Variants in CDH13 observed in about 807,000 individuals in gnomAD.
CDH13 encodes cadherin-13.
A neutral mutation model predicts 63.8 loss-of-function variants in CDH13; 24 were observed. The observed-to-expected ratio is 0.38, with a 90% CI of 0.27 to 0.53. CDH13 has a LOEUF of 0.53. Ranked by LOEUF, CDH13 falls within the 20% of genes least tolerant of loss-of-function variation. The pLI, the probability that CDH13 is intolerant of heterozygous loss-of-function variation, is 0.85. For synonymous variants in CDH13, 503 were observed against 355.3 expected (o/e 1.42, Z -4.67); for missense variants, 1,049 against 903.1 (o/e 1.16, Z -2.07).
chr16:83,190,652 C>G (rs2038669588), intron 4 of CDH13, among the ~76,000 whole-genome samples: 1 of 152,182 alleles, frequency 6.6e-6, no homozygotes, highest in Non-Finnish European at 1.5e-5. Context: ...CCCTTTGATG[C>G]TAACTAAGAC....
intron 1 of CDH13, among the ~76,000 whole-genome samples, chr16:82,660,492 A>G (rs1382884141): frequency 6.6e-6 from 1 of 152,184 alleles, no homozygotes; most frequent in Non-Finnish European, 1.5e-5. Context: ...CAGTCAATCC[A>G]CAAACCATCT....
intron 10 of CDH13, among the ~76,000 whole-genome samples, chr16:83,719,605 C>G (rs1567547609): frequency 6.6e-6 from 1 of 152,196 alleles, no homozygotes; most frequent in Non-Finnish European, 1.5e-5. Context: ...TTCCTGCATA[C>G]CACGTGCAGT....
rs369288331 is a variant in CDH13, at chr16:83,006,932, GTTTT to G, written c.158-25073_158-25070del. 2.4e-4 allele frequency among the ~76,000 whole-genome samples: 29 copies of G among 121,760 alleles called. 1 individual carries two copies. Among genetic ancestry groups the G allele is most frequent in the African/African-American group, 7.1e-4 (22 of 31,092 alleles). 79.9% of individuals were successfully genotyped at this position (121,760 alleles called of 152,430 possible). ...TGTTTGTTTGTTTGTTTGTTTGTTT[GTTTT>G]TTTTGAGACAGAGTTTCACTCTTAT... is the stretch of plus-strand genomic sequence containing the variant. On this transcript the variant is annotated intron_variant, in intron 2 of 13. Coordinates refer to ENST00000567109, the MANE Select transcript of CDH13 (RefSeq NM_001257.5).
At chr16:83,520,265 A>G (rs2074798904) in intron 7 of CDH13, among the ~76,000 whole-genome samples, 1 of 152,216 alleles carries the variant, frequency 6.6e-6, no homozygotes, top group Non-Finnish European at 1.5e-5. Flanking sequence ...AGCCAAGTGT[A>G]CAAAAAAGTA....
intron 6 of CDH13, among the ~76,000 whole-genome samples, chr16:83,378,435 T>A (rs1192969213): frequency 6.6e-6 from 1 of 152,184 alleles, no homozygotes; most frequent in Admixed American, 6.5e-5. Context: ...GGGACATTAT[T>A]ATGTTCTAGT....
chr16:83,688,065 T>C (rs1049267660), intron 10 of CDH13, among the ~76,000 whole-genome samples: 2 of 152,218 alleles, frequency 1.3e-5, no homozygotes, highest in African/African-American at 4.8e-5. Context: ...ATAATGATAT[T>C]TCAGCCCCAA....
At chr16:82,843,723 C>G (rs1255696311) in intron 1 of CDH13, among the ~76,000 whole-genome samples, 1 of 152,198 alleles carries the variant, frequency 6.6e-6, no homozygotes, top group East Asian at 1.9e-4. Context: ...TGTCTAATGT[C>G]TGGCAGAGAA....
At chr16:83,584,180 A>T (rs926684690) in intron 7 of CDH13, among the ~76,000 whole-genome samples, 4 of 152,036 alleles carry the variant, frequency 2.6e-5, no homozygotes, top group Admixed American at 2.6e-4. Context: ...ATACAAAAAA[A>T]ATTAGCCGGG....
At chr16:82,706,246 C>G (rs990657081) in intron 1 of CDH13, among the ~76,000 whole-genome samples, 1 of 152,150 alleles carries the variant, frequency 6.6e-6, no homozygotes, top group South Asian at 2.1e-4. Flanking sequence ...TGGAAATACA[C>G]TGAACAGGGC....
At chr16:83,139,709 T>C (rs1470765246) in intron 4 of CDH13, among the ~76,000 whole-genome samples, 1 of 152,060 alleles carries the variant, frequency 6.6e-6, no homozygotes, top group African/African-American at 2.4e-5. Context: ...AAAATAATAA[T>C]ATAAAAATAT....
intron 5 of CDH13, among the ~76,000 whole-genome samples, chr16:83,251,166 A>G (rs993137217): frequency 6.6e-6 from 1 of 152,100 alleles, no homozygotes; most frequent in Non-Finnish European, 1.5e-5. Context: ...ATAGATTTGT[A>G]AGATATTGCC....
At chr16:83,431,953 C>A (rs2072125764) in intron 6 of CDH13, among the ~76,000 whole-genome samples, 1 of 152,068 alleles carries the variant, frequency 6.6e-6, no homozygotes, top group Non-Finnish European at 1.5e-5. Flanking sequence ...AGATTTTGAG[C>A]AGAGGAAAGA....
chr16:82,958,259 G>A (rs1449852383), intron 2 of CDH13, among the ~76,000 whole-genome samples: 1 of 152,210 alleles, frequency 6.6e-6, no homozygotes, highest in East Asian at 1.9e-4. Flanking sequence ...GAATAGCTGA[G>A]ACGCTTCACC....
chr16:83,782,815 C>T (rs1305043014), intron 12 of CDH13, among the ~76,000 whole-genome samples: 3 of 151,928 alleles, frequency 2.0e-5, no homozygotes, highest in African/African-American at 7.3e-5. Context: ...AGGGTCCTGC[C>T]CACATTGAGA....
At chr16:82,967,399 G>T (rs897360630) in intron 2 of CDH13, among the ~76,000 whole-genome samples, 2 of 152,140 alleles carry the variant, frequency 1.3e-5, no homozygotes, top group African/African-American at 4.8e-5. Flanking sequence ...TAGGGTGTAT[G>T]CTCCCTGGGG....
chr16:82,914,903 G>C (rs2041939167), intron 2 of CDH13, among the ~76,000 whole-genome samples: 1 of 152,200 alleles, frequency 6.6e-6, no homozygotes, highest in Non-Finnish European at 1.5e-5. Flanking sequence ...GTGTCACCAT[G>C]AGTATCAGGA....
intron 7 of CDH13, among the ~76,000 whole-genome samples, chr16:83,599,519 T>G (rs1907582230): frequency 1.3e-5 from 2 of 152,194 alleles, no homozygotes; most frequent in Admixed American, 1.3e-4. Flanking sequence ...CCAAAAAAAT[T>G]TTTAAAAAGC....
chr16:83,023,476 A>G (rs1915531449), intron 2 of CDH13, among the ~76,000 whole-genome samples: 2 of 152,208 alleles, frequency 1.3e-5, no homozygotes, highest in Non-Finnish European at 2.9e-5. Context: ...TCATAGGTTC[A>G]GAAGAGTACA....
At position 83,796,584 on chromosome 16, in the gene CDH13, T is replaced by C. The variant is rs1054595274; in HGVS notation, c.*1554T>C. 6.6e-6 allele frequency: 1 copy of C among 152,198 alleles called. No individual in the cohort carries two copies. Among genetic ancestry groups the C allele is most frequent in the East Asian group, 1.9e-4 (1 of 5,188 alleles). 9.4% of individuals were successfully genotyped at this position (152,198 alleles called of 1,614,324 possible). On this transcript the variant is annotated 3_prime_UTR_variant, in exon 14 of 14. Transcript: ENST00000567109. ...TTTTTTCCATTAAAATAAATGGGTATTGGTGGTTAAAACTGCTGGACAGTA... is the reference window on the plus strand; with the variant it reads ...TTTTTTCCATTAAAATAAATGGGTACTGGTGGTTAAAACTGCTGGACAGTA...
Sources: allele counts gnomAD v4.1 joint callset (sites outside exome capture counted in the v4.1 genomes callset), GRCh38; gene constraint gnomAD v4.1.1; transcripts MANE v1.5; gene names NCBI Gene and HGNC (gene_info 2026-07-23, HGNC 2026-07-21).